The following FAM135B variants were observed in gnomAD, a reference collection of about 807,000 sequenced individuals.
FAM135B encodes family with sequence similarity 135 member B.
A neutral mutation model predicts 127.7 loss-of-function variants in FAM135B; 43 were observed. The ratio of observed to expected loss-of-function variants is 0.34; its 90% CI spans 0.26 to 0.43. The LOEUF is 0.43. FAM135B is among the 20% of genes least tolerant of loss of function. FAM135B has a pLI of 1.00. For synonymous variants in FAM135B, 670 were observed against 665.1 expected (o/e 1.01, Z -0.11); for missense variants, 1,558 against 1,725.6 (o/e 0.90, Z 1.72).
chr8:138,310,600 C>T (rs1001305299), intron 3 of FAM135B, among the ~76,000 whole-genome samples: 2 of 152,250 alleles, frequency 1.3e-5, no homozygotes, highest in Admixed American at 6.5e-5. Flanking sequence ...GCCAGTTTAT[C>T]TCCAAATACT....
intron 8 of FAM135B, among the ~76,000 whole-genome samples, chr8:138,197,121 A>G (rs28588867): frequency 2.0e-3 from 86 of 43,528 alleles, no homozygotes; most frequent in East Asian, 6.6e-3. Context: ...GTGTGTGTAT[A>G]TATATAGTTT....
rs1821074188 is a variant in FAM135B, at chr8:138,243,937, CT to C, written c.543-870del. On this transcript the variant is annotated intron_variant, in intron 6 of 19. Coordinates refer to ENST00000395297, the MANE Select transcript of FAM135B (RefSeq NM_015912.4). The surrounding 1 kb of genome is among the most constrained non-coding windows in gnomAD (Gnocchi z 7.5). ...AGTCCCTCAGTAAAATTTAAAGTCT[CT>C]GATGGCAAAGAGGGTCTTGACAATA... Among the ~76,000 whole-genome samples, 1 of 152,076 alleles carries C rather than the reference CT, an allele frequency of 6.6e-6. No homozygotes were observed. Among genetic ancestry groups the C allele is most frequent in the Non-Finnish European group, 1.5e-5 (1 of 68,020 alleles).
At chr8:138,217,742 T>G (rs1252617450) in intron 7 of FAM135B, among the ~76,000 whole-genome samples, 1 of 152,164 alleles carries the variant, frequency 6.6e-6, no homozygotes, top group African/African-American at 2.4e-5. Flanking sequence ...ATATATTTCT[T>G]TATACAACAG....
chr8:138,351,060 C>T (rs1014093840), intron 2 of FAM135B, among the ~76,000 whole-genome samples: 1 of 152,148 alleles, frequency 6.6e-6, no homozygotes, highest in Non-Finnish European at 1.5e-5. Context: ...TGACAAAATC[C>T]ATACAGAATC....
chr8:138,299,763 A>G (rs1366152760), intron 3 of FAM135B, among the ~76,000 whole-genome samples: 1 of 152,154 alleles, frequency 6.6e-6, no homozygotes, highest in Non-Finnish European at 1.5e-5. Flanking sequence ...ACTTTGTAAC[A>G]TTTCTTAAGT....
rs1372409001 is a variant in FAM135B at position 138,141,265 on chromosome 8, G to T, written c.3723C>A (p.His1241Gln). The T allele has an allele frequency of 6.2e-7, 1 of 1,614,050 alleles. No homozygotes were observed. The change falls in exon 17 of 20, where the codon CAC becomes CAA. Residue 1241 changes from histidine (H) to glutamine (Q), a missense_variant. By Grantham distance (24) the His-to-Gln change is conservative. Around this residue, in one of 5 missense-constraint regions of FAM135B, gnomAD observed 194 missense variants for 333.8 expected, o/e 0.58. Transcript: ENST00000395297. The surrounding 1 kb of genome is among the most constrained non-coding windows in gnomAD (Gnocchi z 4.7). ...GAGGCCCAGAGAGTGACAGGAACGT[G>T]TGGAGTTTGTTGAGGTAATACCGGA... is the stretch of plus-strand genomic sequence containing the variant. ...PRFRYYLNKL[H>Q]TFLSLSGPHL...
chr8:138,367,862 C>CA, intron 2 of FAM135B, 45 bp downstream of exon 2: 1 of 460,178 alleles, frequency 2.2e-6, no homozygotes, highest in Non-Finnish European at 3.4e-6. Context: ...AAACAAACAA[C>CA]ACACACACAC....
chr8:138,136,618 CA>C (rs1391609812), intron 19 of FAM135B, among the ~76,000 whole-genome samples: 1 of 152,016 alleles, frequency 6.6e-6, no homozygotes, highest in East Asian at 1.9e-4. Context: ...ACAAATTAAC[CA>C]AAGGAAACCA....
At chr8:138,473,651 G>A (rs1428017423) in intron 1 of FAM135B, among the ~76,000 whole-genome samples, 6 of 152,132 alleles carry the variant, frequency 3.9e-5, no homozygotes, top group Admixed American at 3.9e-4. Flanking sequence ...AGGCTCTCTA[G>A]ATGCTAAAGA....
chr8:138,278,903 G>A (rs535725935), intron 3 of FAM135B, among the ~76,000 whole-genome samples: 24 of 152,076 alleles, frequency 1.6e-4, no homozygotes, highest in Admixed American at 1.1e-3. Flanking sequence ...CACTATACAC[G>A]AGCAATATTG....
chr8:138,192,475 T>C (rs1164440286), intron 9 of FAM135B, among the ~76,000 whole-genome samples: 1 of 152,240 alleles, frequency 6.6e-6, no homozygotes, highest in African/African-American at 2.4e-5. Flanking sequence ...TACAAGATTC[T>C]GACCCTCCTC....
intron 7 of FAM135B, among the ~76,000 whole-genome samples, chr8:138,201,212 C>A (rs1211774240): frequency 2.0e-5 from 3 of 152,218 alleles, no homozygotes; most frequent in African/African-American, 7.2e-5. Context: ...CTACCTGCCA[C>A]TGTCTCACCA....
In FAM135B at chr8:138,363,088, G is replaced by C. The variant is rs115679750; in HGVS notation, c.77+4819C>G. Among the ~76,000 whole-genome samples, 1,350 of 152,238 alleles carry C rather than the reference G, an allele frequency of 8.9e-3. 26 individuals carry two copies. The highest frequency in any genetic ancestry group is 0.031 in the African/African-American group (1,295 of 41,562). ...CATAGAATTTTCAAGAGAGATGCTA[G>C]GGGGAAGAGGGCCAAGAATTGTCTG... On this transcript the variant is annotated intron_variant, in intron 2 of 19. Coordinates refer to ENST00000395297, the MANE Select transcript of FAM135B (RefSeq NM_015912.4).
At chr8:138,445,574 G>A (rs1449343108) in intron 1 of FAM135B, among the ~76,000 whole-genome samples, 1 of 152,194 alleles carries the variant, frequency 6.6e-6, no homozygotes, top group Non-Finnish European at 1.5e-5. Flanking sequence ...CTCAATAGAT[G>A]CAGAAAAGGC....
chr8:138,139,142 CAAA>C (rs752047818), intron 17 of FAM135B, 46 bp from the exon 18 acceptor site: 10 of 1,219,970 alleles, frequency 8.2e-6, no homozygotes, highest in Non-Finnish European at 1.2e-5. Flanking sequence ...CAAAACAAAA[CAAA>C]AACTAACTGG....
intron 8 of FAM135B, 33 bp from the exon 9 acceptor site, chr8:138,195,340 G>T: frequency 6.2e-7 from 1 of 1,600,074 alleles, no homozygotes; most frequent in Non-Finnish European, 8.5e-7. Flanking sequence ...GTGATTAAAT[G>T]AACCCACACT....
chr8:138,285,134 ATTTTTTTTTT>A (rs386414180), intron 3 of FAM135B, among the ~76,000 whole-genome samples: 8 of 54,794 alleles, frequency 1.5e-4, no homozygotes, highest in Non-Finnish European at 1.9e-4. Context: ...GGCTCTACTA[ATTTTTTTTTT>A]TTTTTTTTTT....
rs572733529 is a variant in FAM135B at position 138,394,213 on chromosome 8, T to C, written c.-19-26211A>G. Among the ~76,000 whole-genome samples, 427 of 152,316 alleles carry C rather than the reference T, an allele frequency of 2.8e-3. 1 individual carries two copies. The highest frequency in any genetic ancestry group is 4.1e-3 in the Non-Finnish European group (282 of 68,034). On this transcript the variant is annotated intron_variant, in intron 1 of 19. Transcript: ENST00000395297. ...GAATTTAGACATTTTTCAAAACCTC[T>C]GGAGTCCATGCAAAATCTGCCTGCA... is the stretch of plus-strand genomic sequence containing the variant.
At chr8:138,495,573 G>A (rs568731151) in intron 1 of FAM135B, among the ~76,000 whole-genome samples, 3 of 152,262 alleles carry the variant, frequency 2.0e-5, no homozygotes, top group Middle Eastern at 3.4e-3. Context: ...CCCTTTCAAA[G>A]TCAATGGCTG....
Sources: allele counts gnomAD v4.1 joint callset (sites outside exome capture counted in the v4.1 genomes callset), GRCh38; gene constraint gnomAD v4.1.1; regional missense constraint gnomAD v4.1.1; non-coding constraint Gnocchi (gnomAD v3.1); transcripts MANE v1.5; gene names NCBI Gene and HGNC (gene_info 2026-07-23, HGNC 2026-07-21).